The following SEMA5A variants were observed in gnomAD, a reference collection of about 807,000 sequenced individuals.
The protein encoded by SEMA5A is semaphorin-5A.
Under a neutral mutation model 135.5 loss-of-function variants are expected in SEMA5A, and 55 were observed. The ratio of observed to expected loss-of-function variants is 0.41; its 90% CI spans 0.33 to 0.51. The LOEUF (loss-of-function observed/expected upper bound fraction) is 0.51. Ranked by LOEUF, SEMA5A falls within the 20% of genes least tolerant of loss-of-function variation. The pLI is 0.37. For synonymous variants in SEMA5A, 580 were observed against 546.5 expected (o/e 1.06, Z -0.85); for missense variants, 1,290 against 1,419.9 (o/e 0.91, Z 1.47).
chr5:9,077,346 C>T lies in SEMA5A; in HGVS notation c.2074-10700G>A, dbSNP rs141622735. 6.0e-3 allele frequency among the ~76,000 whole-genome samples: 906 copies of T among 152,232 alleles called. 4 individuals are homozygous for T. The highest frequency in any genetic ancestry group is 0.021 in the African/African-American group (860 of 41,540). On this transcript the variant is annotated intron_variant, in intron 16 of 22. Coordinates refer to ENST00000382496, the MANE Select transcript of SEMA5A (RefSeq NM_003966.3). ...AATGCCGAAAGACAAACTCAGTATA[C>T]GCTAGTTACTCTGGGGAGAGGTTAA...
chr5:9,083,738 G>A (rs968600902), intron 16 of SEMA5A, among the ~76,000 whole-genome samples: 6 of 152,150 alleles, frequency 3.9e-5, no homozygotes, highest in African/African-American at 1.2e-4. Flanking sequence ...TGAAGTTTAA[G>A]GAAGACATGT....
At chr5:9,321,448 C>T (rs142781732) in intron 4 of SEMA5A, among the ~76,000 whole-genome samples, 1 of 152,284 alleles carries the variant, frequency 6.6e-6, no homozygotes, top group African/African-American at 2.4e-5. Context: ...CTATGGGAGT[C>T]AGCATTACCT....
At chr5:9,303,407 A>C (rs1027910606) in intron 5 of SEMA5A, among the ~76,000 whole-genome samples, 4 of 152,204 alleles carry the variant, frequency 2.6e-5, no homozygotes, top group African/African-American at 9.6e-5. Context: ...TATTTTAAAA[A>C]GAACTTGAGG....
intron 1 of SEMA5A, among the ~76,000 whole-genome samples, chr5:9,462,610 T>C (rs945563435): frequency 1.6e-4 from 25 of 151,766 alleles, no homozygotes; most frequent in African/African-American, 6.1e-4. Context: ...ATAAAGAAAA[T>C]GTGGTAGATA....
At chr5:9,372,048 A>G (rs372628654) in intron 3 of SEMA5A, among the ~76,000 whole-genome samples, 21 of 152,226 alleles carry the variant, frequency 1.4e-4, no homozygotes, top group Non-Finnish European at 2.9e-4. Flanking sequence ...AATCACACAC[A>G]TTTATGATTT....
intron 1 of SEMA5A, chr5:9,498,818 T>C (rs1219626651): frequency 6.6e-6 from 1 of 152,156 alleles, no homozygotes; most frequent in Non-Finnish European, 1.5e-5. Flanking sequence ...TGTGAATATA[T>C]ATGGCATGTT....
intron 4 of SEMA5A, among the ~76,000 whole-genome samples, chr5:9,326,449 T>C (rs1175823483): frequency 6.6e-6 from 1 of 152,090 alleles, no homozygotes; most frequent in Admixed American, 6.5e-5. Flanking sequence ...AGATGGGGTT[T>C]CGCTGTGTTG....
intron 3 of SEMA5A, among the ~76,000 whole-genome samples, chr5:9,372,374 G>C (rs1393541352): frequency 6.6e-6 from 1 of 151,830 alleles, no homozygotes; most frequent in African/African-American, 2.4e-5. Flanking sequence ...GACACGCGTG[G>C]AGCCATGCGG....
At chr5:9,210,417 C>G (rs1746281284) in intron 8 of SEMA5A, among the ~76,000 whole-genome samples, 1 of 152,176 alleles carries the variant, frequency 6.6e-6, no homozygotes, top group East Asian at 1.9e-4. Flanking sequence ...ACCACACAGG[C>G]TTTTCTACTT....
At chr5:9,144,378 A>G (rs79870011) in intron 12 of SEMA5A, among the ~76,000 whole-genome samples, 1,646 of 152,366 alleles carry the variant, frequency 0.011, 30 homozygotes, top group African/African-American at 0.037. Flanking sequence ...TTAAAAGGGC[A>G]TAAGTCCAGA....
chr5:9,095,595 T>C (rs1313837156), intron 16 of SEMA5A, among the ~76,000 whole-genome samples: 1 of 152,230 alleles, frequency 6.6e-6, no homozygotes, highest in African/African-American at 2.4e-5. Context: ...ACACCTGTTG[T>C]TTCTTCTTTA....
At chr5:9,226,406 G>A (rs1747312850) in intron 7 of SEMA5A, among the ~76,000 whole-genome samples, 1 of 151,038 alleles carries the variant, frequency 6.6e-6, no homozygotes, top group Non-Finnish European at 1.5e-5. Flanking sequence ...TTTGCCTAGG[G>A]TGCAATTTCT....
intron 6 of SEMA5A, among the ~76,000 whole-genome samples, chr5:9,229,658 T>C (rs1314958928): frequency 6.6e-6 from 1 of 152,078 alleles, no homozygotes; most frequent in Non-Finnish European, 1.5e-5. Flanking sequence ...GGTGAGGTTT[T>C]GTTTGTTTTT....
intron 6 of SEMA5A, among the ~76,000 whole-genome samples, chr5:9,234,889 T>C (rs567889016): frequency 6.6e-6 from 1 of 152,310 alleles, no homozygotes; most frequent in African/African-American, 2.4e-5. Context: ...GTCTCCTCCG[T>C]GAATCGAGGG....
intron 5 of SEMA5A, among the ~76,000 whole-genome samples, chr5:9,257,597 TA>T (rs34130964): frequency 2.2e-4 from 33 of 149,184 alleles, no homozygotes; most frequent in African/African-American, 4.7e-4. Context: ...TATTTTGCTC[TA>T]AAAAAAAAAG....
In SEMA5A at chr5:9,204,342, C is replaced by T. The variant is rs542078016; in HGVS notation, c.647-2102G>A. On this transcript the variant is annotated intron_variant, in intron 8 of 22. Transcript: ENST00000382496. The surrounding 1 kb of genome is among the most constrained non-coding windows in gnomAD (Gnocchi z 6.4). ...TCCACCAAAACTTATCAAATACACT[C>T]ACTATTACCCACTTCTGCTATTAAC... Among the ~76,000 whole-genome samples the T allele has an allele frequency of 1.6e-4, 25 of 152,290 alleles. No individual in the cohort carries two copies. The highest frequency in any genetic ancestry group is 3.1e-4 in the Non-Finnish European group (21 of 68,022).
chr5:9,388,538 G>C (rs903943436), intron 2 of SEMA5A, among the ~76,000 whole-genome samples: 8 of 151,722 alleles, frequency 5.3e-5, no homozygotes, highest in Non-Finnish European at 8.8e-5. Flanking sequence ...AACTACCTTG[G>C]CAATTTCTAA....
rs183147401 is a variant in SEMA5A at position 9,312,768 on chromosome 5, G to A, written c.270+5604C>T. On this transcript the variant is annotated intron_variant, in intron 5 of 22. Coordinates refer to ENST00000382496, the MANE Select transcript of SEMA5A (RefSeq NM_003966.3). ...TTTTGGCAAAAGGGAAGAGACTTCC[G>A]ATTTGAAGTACTGTTGACTCCATGT... Among the ~76,000 whole-genome samples, 96 of 152,200 alleles carry A rather than the reference G, an allele frequency of 6.3e-4. 1 individual carries two copies. The highest frequency in any genetic ancestry group is 4.8e-3 in the Admixed American group (73 of 15,274).
At chr5:9,127,383 T>C (rs1014089060) in intron 13 of SEMA5A, among the ~76,000 whole-genome samples, 1 of 152,200 alleles carries the variant, frequency 6.6e-6, no homozygotes, top group African/African-American at 2.4e-5. Flanking sequence ...TGTAAGAGCA[T>C]GTACTTAGCG....
Sources: gnomAD v4.1 joint callset for allele counts (sites outside exome capture counted in the v4.1 genomes callset) on GRCh38, gnomAD v4.1.1 for gene constraint, Gnocchi (gnomAD v3.1) non-coding constraint, MANE v1.5 for transcripts, NCBI Gene and HGNC (gene_info 2026-07-23, HGNC 2026-07-21) for gene names.